The following SETD1B variants were observed in gnomAD, a reference collection of about 807,000 sequenced individuals.
SETD1B encodes the protein histone-lysine N-methyltransferase SETD1B.
In SETD1B, 7 loss-of-function variants were observed where a neutral mutation model predicts 148.0. The ratio of observed to expected loss-of-function variants is 0.05; its 90% CI spans 0.03 to 0.09. The LOEUF is 0.09. Among genes scored for constraint, SETD1B ranks in the 10% least tolerant of loss-of-function variants. SETD1B has a pLI of 1.00. For missense variants in SETD1B, 2,155 were observed against 2,729.9 expected, an observed-to-expected ratio of 0.79 and a Z score of 4.69; for synonymous variants, 1,361 against 1,186.5, an observed-to-expected ratio of 1.15 and a Z score of -3.02.
the SETD1B span, among the ~76,000 whole-genome samples, chr12:121,790,483 T>G: frequency 6.6e-6 from 1 of 152,230 alleles, no homozygotes; most frequent in East Asian, 1.9e-4. Flanking sequence ...ATGAATCATC[T>G]CCGGCATTCG....
chr12:121,799,633 C>T (rs1006064798), upstream of SETD1B: 2 of 151,714 alleles, frequency 1.3e-5, no homozygotes, highest in Non-Finnish European at 2.9e-5. Flanking sequence ...GAGACTTACA[C>T]GCCCCAAATG....
chr12:121,817,581 G>A lies in SETD1B; in HGVS notation c.3189G>A (p.Ser1063=), dbSNP rs1414424089. Residue 1063 remains serine, a synonymous_variant, in exon 9 of 17, where the codon TCG becomes TCA. Coordinates refer to ENST00000604567, the MANE Select transcript of SETD1B (RefSeq NM_001353345.2). This position sits in a 1 kb window ranked among gnomAD's most constrained non-coding sequence, Gnocchi z 8.1. ...SGSSTTSPSS[S]ASDKEEEQES... The stretch of plus-strand genomic sequence containing the variant: ...CCTCAACCACCTCACCCTCGTCCTC[G>A]GCCTCCGACAAGGAGGAGGAACAGG... 1.9e-6 allele frequency: 3 copies of A among 1,551,210 alleles called. No homozygotes were observed. The highest frequency in any genetic ancestry group is 1.2e-5 in the South Asian group (1 of 84,060).
At position 121,804,233 on chromosome 12, in the gene SETD1B, T is replaced by C. The variant is rs1875579698; in HGVS notation, c.-15T>C. On this transcript the variant is annotated splice_region_variant and 5_prime_UTR_variant, in exon 1 of 17. An upstream start codon of the reference 5' UTR is lost. Transcript: ENST00000604567. This position sits in a 1 kb window ranked among gnomAD's most constrained non-coding sequence, Gnocchi z 4.6. ...CAGGGAGGCCGGCGCCCGGCGGGGA[T>C]GTAAGCGCGGCTCGGGGAGGGAGAG... 1 of 146,572 alleles carries C rather than the reference T, an allele frequency of 6.8e-6. No homozygotes were observed. The highest frequency in any genetic ancestry group is 1.5e-5 in the Non-Finnish European group (1 of 65,892). 9.1% of individuals were successfully genotyped at this position (146,572 alleles called of 1,614,324 possible).
In SETD1B at chr12:121,809,739, C is replaced by T. The variant is rs1334682007; in HGVS notation, c.794C>T (p.Thr265Ile). 2 of 1,551,464 alleles carry T rather than the reference C, an allele frequency of 1.3e-6. No homozygotes were observed. Among genetic ancestry groups the T allele is most frequent in the Admixed American group, 2.0e-5 (1 of 50,982 alleles). The stretch of plus-strand genomic sequence containing the variant: ...GCTTATTCCAGCTGCCGCCTGGACA[C>T]ACCCAACTCCTATGGACAGGGCACC... ...DTAYSSCRLD[T>I]PNSYGQGTPL... is the part of the protein sequence containing the mutation. The change falls in exon 6 of 17, where the codon ACA (threonine) becomes ATA (isoleucine). Residue 265 changes from threonine (T) to isoleucine (I), a missense_variant. Thr to Ile is a moderately conservative substitution (Grantham distance 89). Transcript: ENST00000604567.
At position 121,806,023 on chromosome 12, in the gene SETD1B, C is replaced by G. The variant is rs1875722980; in HGVS notation, c.462C>G (p.Val154=). 6.4e-7 allele frequency: 1 copy of G among 1,551,668 alleles called. No individual in the cohort carries two copies. Among genetic ancestry groups the G allele is most frequent in the African/African-American group, 1.4e-5 (1 of 73,156 alleles). The change falls in exon 4 of 17, where the codon GTC becomes GTG. Residue 154 remains valine (V), a synonymous_variant. Transcript: ENST00000604567. ...LGIAKVVFAT[V]RGAKDAVQHL... is the part of the protein sequence containing the mutation. ...TCGCCAAGGTGGTCTTTGCCACGGT[C>G]CGGGGAGCCAAGGATGCCGTTCAGC...
At chr12:121,791,906 T>C in the SETD1B span, among the ~76,000 whole-genome samples, 1 of 152,186 alleles carries the variant, frequency 6.6e-6, no homozygotes, top group African/African-American at 2.4e-5. Flanking sequence ...ACAGGAAACA[T>C]GAGAGTAAAG....
chr12:121,825,783 T>G (rs901258711), intron 13 of SETD1B, among the ~76,000 whole-genome samples: 1 of 152,078 alleles, frequency 6.6e-6, no homozygotes, highest in Non-Finnish European at 1.5e-5. Context: ...TAGCTGGGAT[T>G]ACAGGTGCCC....
rs1278182307 is a variant in SETD1B at position 121,828,016 on chromosome 12, C to T, written c.5673C>T (p.Ile1891=). ...TGTTCCGGGTGGACCATGACACCAT[C>T]ATCGACGCCACCAAGTGCGGCAACT... ...SYMFRVDHDT[I]IDATKCGNFA... is the part of the protein sequence containing the mutation. The change falls in exon 16 of 17, where the codon ATC becomes ATT. Residue 1891 remains isoleucine (I), a synonymous_variant. Coordinates refer to ENST00000604567, the MANE Select transcript of SETD1B (RefSeq NM_001353345.2). 2.6e-6 allele frequency: 4 copies of T among 1,552,256 alleles called. No individual in the cohort carries two copies.
At chr12:121,797,609 G>C in the SETD1B span, 1 of 456,404 alleles carries the variant, frequency 2.2e-6, no homozygotes, top group Admixed American at 2.3e-5. Context: ...ATCCAGGGAG[G>C]GGAGAAACTG....
In SETD1B at chr12:121,810,026, G is replaced by C. The variant is rs1436196272; in HGVS notation, c.1081G>C (p.Gly361Arg). The change falls in exon 6 of 17, where the codon GGG (glycine) becomes CGG (arginine). Residue 361 changes from glycine (G) to arginine (R), a missense_variant. Around this residue, in one of 11 missense-constraint regions of SETD1B, gnomAD observed 376 missense variants for 385.0 expected, o/e 0.98. Transcript: ENST00000604567. The surrounding 1 kb of genome is among the most constrained non-coding windows in gnomAD (Gnocchi z 7.6). ...CCCGTTCGGAGCAGTCGGCGGCACT[G>C]GGGGCAGCAGCGGTCCCCCGTTCAA... The part of the protein sequence containing the change: ...DLPFGAVGGT[G>R]GSSGPPFKAQ... The C allele has an allele frequency of 8.4e-6, 13 of 1,550,232 alleles. No individual in the cohort carries two copies. Among genetic ancestry groups the C allele is most frequent in the Non-Finnish European group, 1.0e-5 (12 of 1,146,916 alleles).
rs530643212 is a variant in SETD1B, at chr12:121,819,866, G to C, written c.3881G>C (p.Arg1294Pro). ...CCCCCTGCCAAGGAGGTGGAGGCTC[G>C]ACCCCCATTGTCCCCTGAGCGAGCT... is the stretch of plus-strand genomic sequence containing the variant. The part of the protein sequence containing the change: ...PEPPAKEVEA[R>P]PPLSPERAPE... The change falls in exon 11 of 17, where the codon CGA becomes CCA. Residue 1294 changes from arginine (R) to proline (P), a missense_variant. Around this residue, in one of 11 missense-constraint regions of SETD1B, gnomAD observed 862 missense variants for 873.8 expected, o/e 0.99. Transcript: ENST00000604567. 1 of 1,551,046 alleles carries C rather than the reference G, an allele frequency of 6.4e-7. No individual in the cohort carries two copies. The highest frequency in any genetic ancestry group is 2.4e-5 in the East Asian group (1 of 40,918).
At chr12:121,812,376 C>T (rs1876076222) in intron 6 of SETD1B, among the ~76,000 whole-genome samples, 1 of 151,960 alleles carries the variant, frequency 6.6e-6, no homozygotes, top group African/African-American at 2.4e-5. Flanking sequence ...GGCACTTTTG[C>T]CTTTCTGAGT....
Position 121,808,434 on chromosome 12 carries a change from A to G in SETD1B, c.657+114A>G. ...CCCCAGCCTACCCCCACCTCACTCC[A>G]GCTTTGGAGACCAAGGCCTAGGAGG... On this transcript the variant is annotated intron_variant, in intron 5 of 16. Transcript: ENST00000604567. The surrounding 1 kb of genome is among the most constrained non-coding windows in gnomAD (Gnocchi z 5.3). The G allele has an allele frequency of 4.6e-6, 3 of 656,982 alleles. No homozygotes were observed. The highest frequency in any genetic ancestry group is 1.8e-5 in the South Asian group (1 of 55,410). 40.7% of individuals were successfully genotyped at this position (656,982 alleles called of 1,614,324 possible).
the SETD1B span, chr12:121,793,390 G>C: frequency 1.4e-6 from 2 of 1,475,560 alleles, no homozygotes; most frequent in Non-Finnish European, 1.8e-6. Context: ...CCCCGGGGTG[G>C]CGGCCGCCTG....
intron 10 of SETD1B, among the ~76,000 whole-genome samples, chr12:121,818,876 C>T (rs998504802): frequency 1.9e-4 from 26 of 136,928 alleles, no homozygotes; most frequent in African/African-American, 6.1e-4. Flanking sequence ...GGCGACAGAG[C>T]GAGACTCCGT....
chr12:121,805,389 A>AAT lies in SETD1B; in HGVS notation c.273+174_273+175insTA, dbSNP rs1356333311. ...AGAGGGTGTCCCCTCTCAGCTACTG[A>AAT]AAACAAAATAACACTGGGTGAAACT... On this transcript the variant is annotated intron_variant, in intron 3 of 16. Transcript: ENST00000604567. The surrounding 1 kb of genome is among the most constrained non-coding windows in gnomAD (Gnocchi z 4.2). 6.6e-6 allele frequency among the ~76,000 whole-genome samples: 1 copy of AAT among 152,098 alleles called. No homozygotes were observed. The highest frequency in any genetic ancestry group is 1.5e-5 in the Non-Finnish European group (1 of 68,020).
Position 121,823,358 on chromosome 12 carries a change from C to T in SETD1B, c.4779C>T (p.Pro1593=). The T allele has an allele frequency of 1.5e-6, 2 of 1,364,658 alleles. No homozygotes were observed. The highest frequency in any genetic ancestry group is 1.0e-6 in the Non-Finnish European group (1 of 999,316). The allele number at this position is 1,364,658 out of a possible 1,614,324, so 84.5% of individuals were successfully genotyped here. The change falls in exon 12 of 17, where the codon CCC becomes CCT. Residue 1593 remains proline, a synonymous_variant. Transcript: ENST00000604567. The part of the protein sequence containing the change: ...PPPLPPQPPP[P]PPPPPVEPTK... The stretch of plus-strand genomic sequence containing the variant: ...CCCTTCCCCCCCAGCCACCCCCACC[C>T]CCACCTCCCCCACCTGTAGAGCCCA...
chr12:121,806,186 G>A, intron 4 of SETD1B, 81 bp downstream of exon 4: 1 of 1,459,708 alleles, frequency 6.9e-7, no homozygotes, highest in South Asian at 1.3e-5. Context: ...GCGTGGGGAG[G>A]ACCCCCCCTC....
chr12:121,814,322 T>G lies in SETD1B; in HGVS notation c.2107T>G (p.Phe703Val). 1 of 709,622 alleles carries G rather than the reference T, an allele frequency of 1.4e-6. No individual in the cohort carries two copies. The highest frequency in any genetic ancestry group is 1.8e-6 in the Non-Finnish European group (1 of 542,452). The allele number at this position is 709,622 out of a possible 1,614,324, so 44.0% of individuals were successfully genotyped here. Residue 703 changes from phenylalanine to valine, a missense_variant, in exon 7 of 17, where the codon TTC becomes GTC. Phe to Val is a conservative substitution (Grantham distance 50, BLOSUM62 -1). Transcript: ENST00000604567. Reference sequence around the variant, plus strand: ...ACCACCACCCCCACCGCAGCCTGGCTTCCCCATGCCCCCACCGCTGCCCCC... The same window carrying G: ...ACCACCACCCCCACCGCAGCCTGGCGTCCCCATGCCCCCACCGCTGCCCCC... ...PPPPPPPQPG[F>V]PMPPPLPPPP...
Sources: gnomAD v4.1 joint callset for allele counts (sites outside exome capture counted in the v4.1 genomes callset) on GRCh38, gnomAD v4.1.1 for gene constraint, gnomAD v4.1.1 regional missense constraint, Gnocchi (gnomAD v3.1) non-coding constraint, MANE v1.5 for transcripts, NCBI Gene and HGNC (gene_info 2026-07-23, HGNC 2026-07-21) for gene names.